CBLB: variants seen among roughly 807,000 people sequenced by gnomAD.
CBLB encodes Cbl proto-oncogene B, also known as E3 ubiquitin-protein ligase CBL-B.
A neutral mutation model predicts 104.9 loss-of-function variants in CBLB; 31 were observed. The ratio of observed to expected loss-of-function variants is 0.30; its 90% CI spans 0.22 to 0.40. CBLB has a LOEUF of 0.40. Ranked by LOEUF, CBLB falls within the 10% of genes least tolerant of loss-of-function variation. CBLB has a pLI of 1.00. For missense variants in CBLB, 1,062 were observed against 1,214.6 expected, an observed-to-expected ratio of 0.87 and a Z score of 1.87; for synonymous variants, 440 against 422.6, an observed-to-expected ratio of 1.04 and a Z score of -0.51.
chr3:105,810,489 G>C (rs1486267958), intron 3 of CBLB, among the ~76,000 whole-genome samples: 1 of 151,954 alleles, frequency 6.6e-6, no homozygotes, highest in African/African-American at 2.4e-5. Context: ...CAAATCAGAG[G>C]TTTTTGCACG....
chr3:105,676,157 G>A (rs1277288618), intron 17 of CBLB, among the ~76,000 whole-genome samples: 1 of 151,816 alleles, frequency 6.6e-6, no homozygotes, highest in Non-Finnish European at 1.5e-5. Context: ...AAGTGTTGTT[G>A]AGCTCCCTGG....
intron 3 of CBLB, among the ~76,000 whole-genome samples, chr3:105,783,061 A>T (rs751244095): frequency 3.3e-5 from 5 of 152,238 alleles, no homozygotes; most frequent in Non-Finnish European, 7.3e-5. Context: ...TCAATGTAAT[A>T]TCCTTTGAGA....
intron 16 of CBLB, among the ~76,000 whole-genome samples, chr3:105,679,985 A>G (rs544007754): frequency 5.3e-5 from 8 of 152,270 alleles, no homozygotes; most frequent in Admixed American, 3.9e-4. Flanking sequence ...AGGCTCATGC[A>G]TGATATGAAA....
Position 105,702,348 on chromosome 3 carries a change from T to C in CBLB, c.1705A>G (p.Asn569Asp). The C allele has an allele frequency of 1.9e-6, 3 of 1,613,888 alleles. No homozygotes were observed. The highest frequency in any genetic ancestry group is 2.5e-6 in the Non-Finnish European group (3 of 1,179,950). ...PERPPPIPPD[N>D]RLSRHIHHVE... is the part of the protein sequence containing the mutation. ...TGATGGATGTGTCTACTCAGTCTAT[T>C]GTCTGGTGGGATTGGTGGAGGTCTT... The change falls in exon 12 of 19, where the codon AAT (asparagine) becomes GAT (aspartate). Residue 569 changes from asparagine (N) to aspartate (D), a missense_variant. Physicochemically the swap from Asn to Asp is conservative, Grantham distance 23 (BLOSUM62 1). Transcript: ENST00000394030.
At chr3:105,717,925 G>A (rs549265316) in intron 10 of CBLB, among the ~76,000 whole-genome samples, 39 of 152,170 alleles carry the variant, frequency 2.6e-4, no homozygotes, top group Admixed American at 3.3e-4. Flanking sequence ...CCTTGATCCC[G>A]TTTGATCATC....
At chr3:105,676,023 T>C (rs2065603899) in intron 17 of CBLB, among the ~76,000 whole-genome samples, 1 of 149,124 alleles carries the variant, frequency 6.7e-6, no homozygotes, top group Admixed American at 6.7e-5. Context: ...TTATAAGGGA[T>C]GTTGATATTA....
intron 4 of CBLB, among the ~76,000 whole-genome samples, chr3:105,753,928 A>C (rs1364285442): frequency 6.6e-6 from 1 of 152,196 alleles, no homozygotes; most frequent in Admixed American, 6.5e-5. Flanking sequence ...ACATTTCCAC[A>C]GTACTTGTGT....
chr3:105,825,220 T>C (rs2086412351), intron 3 of CBLB, among the ~76,000 whole-genome samples: 1 of 152,244 alleles, frequency 6.6e-6, no homozygotes, highest in East Asian at 1.9e-4. Flanking sequence ...AAATCAATCA[T>C]GTCATGGTTC....
At chr3:105,869,216 T>G (rs1578060234), upstream of CBLB, 3 of 640,468 alleles carry the variant, frequency 4.7e-6, no homozygotes, top group Admixed American at 4.7e-5. Context: ...GAAGGCCCGC[T>G]CGCAGCACGT....
intron 4 of CBLB, among the ~76,000 whole-genome samples, chr3:105,755,376 T>C (rs1297467656): frequency 6.6e-6 from 1 of 152,216 alleles, no homozygotes; most frequent in Non-Finnish European, 1.5e-5. Flanking sequence ...AATCACTTAA[T>C]CTTCCAGGCT....
Position 105,702,978 on chromosome 3 carries a change from C to T in CBLB, c.1594-519G>A, listed in dbSNP as rs145113469. 4.5e-4 allele frequency among the ~76,000 whole-genome samples: 69 copies of T among 152,164 alleles called. 1 individual carries two copies. In the Middle Eastern group the frequency reaches 0.01, roughly 23 times the overall value. On this transcript the variant is annotated intron_variant, in intron 11 of 18. Transcript: ENST00000394030. ...GGGCAAATGTGCTCTGCTTCTTTAT[C>T]GGTTATTACCAGAATAGTAAAAGAT...
intron 3 of CBLB, among the ~76,000 whole-genome samples, chr3:105,832,421 A>G (rs1281460613): frequency 6.6e-6 from 1 of 152,228 alleles, no homozygotes; most frequent in African/African-American, 2.4e-5. Flanking sequence ...AGTTATATAC[A>G]AAAACAGATT....
chr3:105,722,289 T>C (rs1075739), intron 9 of CBLB, among the ~76,000 whole-genome samples: 17,647 of 150,676 alleles, frequency 0.12, 1,250 homozygotes, highest in East Asian at 0.41. Flanking sequence ...ACATGAAGAA[T>C]GGAAAGCAGT....
chr3:105,704,804 C>G (rs201694978), intron 10 of CBLB, among the ~76,000 whole-genome samples: 1 of 151,864 alleles, frequency 6.6e-6, no homozygotes, highest in South Asian at 2.1e-4. Context: ...CTGGCAAAAA[C>G]TAAGTTTCTG....
chr3:105,816,663 T>TA (rs1251253160), intron 3 of CBLB, among the ~76,000 whole-genome samples: 6 of 152,240 alleles, frequency 3.9e-5, no homozygotes, highest in African/African-American at 1.2e-4. Context: ...CATGTTCATG[T>TA]ACACAGCTGT....
chr3:105,828,381 T>G (rs552850292), intron 3 of CBLB, among the ~76,000 whole-genome samples: 5 of 152,326 alleles, frequency 3.3e-5, no homozygotes, highest in Non-Finnish European at 1.5e-5. Flanking sequence ...TTAGCAATCT[T>G]TAATACAGAT....
chr3:105,766,425 T>C (rs1415140039), intron 4 of CBLB, among the ~76,000 whole-genome samples: 3 of 152,194 alleles, frequency 2.0e-5, no homozygotes, highest in African/African-American at 7.2e-5. Flanking sequence ...TCAAACAGCA[T>C]TGCATGTTAT....
chr3:105,834,667 G>A (rs9837092), intron 3 of CBLB, among the ~76,000 whole-genome samples: 5 of 21,282 alleles, frequency 2.3e-4, no homozygotes, highest in Non-Finnish European at 1.1e-3. Flanking sequence ...AAAAAGAAAA[G>A]AAAATCAAGT....
intron 4 of CBLB, among the ~76,000 whole-genome samples, chr3:105,766,534 T>C (rs1381634831): frequency 6.6e-6 from 1 of 152,226 alleles, no homozygotes; most frequent in Non-Finnish European, 1.5e-5. Flanking sequence ...TTTCAGCATA[T>C]GATCAGTCAA....
Sources: allele counts gnomAD v4.1 joint callset (sites outside exome capture counted in the v4.1 genomes callset), GRCh38; gene constraint gnomAD v4.1.1; transcripts MANE v1.5; gene names NCBI Gene and HGNC (gene_info 2026-07-23, HGNC 2026-07-21).